KLHL2: variants seen among roughly 807,000 people sequenced by gnomAD.
KLHL2 encodes the protein kelch-like protein 2.
Under a neutral mutation model 75.8 loss-of-function variants are expected in KLHL2, and 15 were observed. That is an observed-to-expected ratio of 0.20 (90% confidence interval 0.13 to 0.30). The LOEUF (loss-of-function observed/expected upper bound fraction) is 0.30. KLHL2 is among the 10% of genes least tolerant of loss of function. KLHL2 has a pLI of 1.00. For synonymous variants in KLHL2, 214 were observed against 251.9 expected (o/e 0.85, Z 1.42); for missense variants, 381 against 741.0 (o/e 0.51, Z 5.64).
chr4:165,286,593 A>T (rs1744111589), intron 5 of KLHL2, among the ~76,000 whole-genome samples: 1 of 152,148 alleles, frequency 6.6e-6, no homozygotes, highest in Admixed American at 6.5e-5. Context: ...TAAAATCAGC[A>T]GAGAGGTTGA....
intron 5 of KLHL2, chr4:165,278,876 A>T: frequency 6.7e-7 from 1 of 1,496,972 alleles, no homozygotes; most frequent in Non-Finnish European, 9.3e-7. Flanking sequence ...CTGGTCCCCT[A>T]AACACCCAGA....
At chr4:165,288,920 T>C (rs2126464565) in intron 5 of KLHL2, among the ~76,000 whole-genome samples, 1 of 151,968 alleles carries the variant, frequency 6.6e-6, no homozygotes, top group Admixed American at 6.6e-5. Flanking sequence ...TTATTAGTAC[T>C]AGTGGTAATA....
intron 4 of KLHL2, among the ~76,000 whole-genome samples, chr4:165,255,665 A>G (rs1040472576): frequency 6.6e-5 from 10 of 152,080 alleles, no homozygotes; most frequent in Admixed American, 4.6e-4. Context: ...TGCTATGTGC[A>G]TCCAACCATG....
chr4:165,209,956 A>T (rs769769690), intron 1 of KLHL2: 14 of 1,419,798 alleles, frequency 9.9e-6, no homozygotes, highest in Non-Finnish European at 1.2e-5. Flanking sequence ...TCCACCATGG[A>T]TCCCGTGTGC....
intron 3 of KLHL2, among the ~76,000 whole-genome samples, chr4:165,236,815 A>T (rs1436808402): frequency 3.3e-5 from 5 of 152,176 alleles, no homozygotes. Context: ...TTGGAAGCAG[A>T]TACAGTTCTC....
chr4:165,304,384 G>A (rs577110433), intron 8 of KLHL2, among the ~76,000 whole-genome samples: 225 of 152,194 alleles, frequency 1.5e-3, no homozygotes, highest in Non-Finnish European at 2.5e-3. Flanking sequence ...GTAGGTCATT[G>A]CCTAGTCAAG....
intron 4 of KLHL2, among the ~76,000 whole-genome samples, chr4:165,245,952 C>T (rs1287498264): frequency 6.6e-6 from 1 of 152,060 alleles, no homozygotes; most frequent in African/African-American, 2.4e-5. Flanking sequence ...CTATGCCAGA[C>T]ACTGTTCCAA....
chr4:165,217,470 C>G (rs551937952), intron 1 of KLHL2, among the ~76,000 whole-genome samples: 1 of 152,308 alleles, frequency 6.6e-6, no homozygotes, highest in East Asian at 1.9e-4. Flanking sequence ...ACACACACAC[C>G]TTCAAGAGGG....
At chr4:165,214,756 A>G (rs1361179572) in intron 1 of KLHL2, among the ~76,000 whole-genome samples, 1 of 152,322 alleles carries the variant, frequency 6.6e-6, no homozygotes. Flanking sequence ...AAAGTTTGGC[A>G]ATTCAAGCTT....
intron 1 of KLHL2, among the ~76,000 whole-genome samples, chr4:165,214,206 C>T (rs1483188271): frequency 4.6e-5 from 7 of 151,870 alleles, no homozygotes; most frequent in Non-Finnish European, 7.4e-5. Context: ...CCCTTACCAA[C>T]GAAGTGATGG....
chr4:165,234,058 G>C (rs527851410), intron 3 of KLHL2, among the ~76,000 whole-genome samples: 16 of 152,312 alleles, frequency 1.1e-4, no homozygotes, highest in Admixed American at 3.9e-4. Flanking sequence ...GGAGGACTCT[G>C]TCTTTTAGGA....
At chr4:165,253,233 C>T (rs1740884560) in intron 4 of KLHL2, among the ~76,000 whole-genome samples, 1 of 152,062 alleles carries the variant, frequency 6.6e-6, no homozygotes, top group Non-Finnish European at 1.5e-5. Context: ...CAGGTTTCAC[C>T]ATGTTGGCCA....
At position 165,322,239 on chromosome 4, in the gene KLHL2, G is replaced by A. The variant is rs780046120; in HGVS notation, c.*179G>A. On this transcript the variant is annotated 3_prime_UTR_variant, in exon 15 of 15. Transcript: ENST00000226725. ...GAAGATTATTTTTGGTAGAAGCACC[G>A]TGTAGGCTTTTTCTGCAATGAGCAG... is the stretch of plus-strand genomic sequence containing the variant. The A allele has an allele frequency of 1.2e-5, 7 of 597,956 alleles. No homozygotes were observed. Among genetic ancestry groups the A allele is most frequent in the African/African-American group, 1.9e-5 (1 of 53,604 alleles). The allele number at this position is 597,956 out of a possible 1,614,324, so 37.0% of individuals were successfully genotyped here.
chr4:165,288,131 T>C (rs369219107), intron 5 of KLHL2, among the ~76,000 whole-genome samples: 14 of 152,284 alleles, frequency 9.2e-5, no homozygotes, highest in Admixed American at 5.9e-4. Context: ...TTTTATAGTT[T>C]TGAGTCTTAC....
chr4:165,288,846 T>TA lies in KLHL2; in HGVS notation c.545-5511dup, dbSNP rs60430059. On this transcript the variant is annotated intron_variant, in intron 5 of 14. Transcript: ENST00000226725. ...GGGTTGTTGCTTTTTTTTTTTTTTT[T>TA]AACTTTGATCCTCATGGTTTTGTGG... Among the ~76,000 whole-genome samples the TA allele has an allele frequency of 2.0e-5, 3 of 151,580 alleles. No individual in the cohort carries two copies. In the East Asian group the frequency reaches 5.8e-4, roughly 29 times the overall value.
chr4:165,236,990 T>C (rs1348976997), intron 3 of KLHL2, among the ~76,000 whole-genome samples: 2 of 149,910 alleles, frequency 1.3e-5, no homozygotes, highest in Non-Finnish European at 3.0e-5. Context: ...CTAAGGTAAG[T>C]CACGCTTAAC....
chr4:165,288,220 G>C (rs1390474138), intron 5 of KLHL2, among the ~76,000 whole-genome samples: 5 of 152,168 alleles, frequency 3.3e-5, no homozygotes, highest in African/African-American at 1.2e-4. Flanking sequence ...CTATGTGGAT[G>C]TCTAGTTTTC....
intron 2 of KLHL2, among the ~76,000 whole-genome samples, chr4:165,220,787 T>C (rs944269411): frequency 6.6e-6 from 1 of 152,224 alleles, no homozygotes; most frequent in African/African-American, 2.4e-5. Context: ...TGGGGGGCAG[T>C]GACCTGCCTG....
At chr4:165,234,292 T>G (rs894123179) in intron 3 of KLHL2, among the ~76,000 whole-genome samples, 1 of 152,118 alleles carries the variant, frequency 6.6e-6, no homozygotes, top group Non-Finnish European at 1.5e-5. Context: ...GTAATTAGAG[T>G]AGATGACAAG....
Sources: allele counts gnomAD v4.1 joint callset (sites outside exome capture counted in the v4.1 genomes callset), GRCh38; gene constraint gnomAD v4.1.1; transcripts MANE v1.5; gene names NCBI Gene and HGNC (gene_info 2026-07-23, HGNC 2026-07-21).